PTPRD: variants seen among roughly 807,000 people sequenced by gnomAD.
PTPRD encodes the protein receptor-type tyrosine-protein phosphatase delta.
PTPRD carries 34 observed loss-of-function variants against 214.5 expected under a neutral mutation model. The observed-to-expected ratio is 0.16, with a 90% confidence interval of 0.12 to 0.21. PTPRD has a LOEUF of 0.21. Among genes scored for constraint, PTPRD ranks in the 10% least tolerant of loss-of-function variants. PTPRD has a pLI of 1.00. For missense variants in PTPRD, 2,545 were observed against 2,398.7 expected, an observed-to-expected ratio of 1.06 and a Z score of -1.27; for synonymous variants, 1,128 against 845.7, an observed-to-expected ratio of 1.33 and a Z score of -5.79.
intron 9 of PTPRD, among the ~76,000 whole-genome samples, chr9:9,238,203 T>G (rs1209624390): frequency 1.3e-5 from 2 of 152,152 alleles, no homozygotes; most frequent in East Asian, 3.9e-4. Context: ...CTGAGAGTCA[T>G]GAATAAGTTT....
At chr9:9,142,049 G>A (rs995756923) in intron 10 of PTPRD, among the ~76,000 whole-genome samples, 19 of 152,218 alleles carry the variant, frequency 1.2e-4, no homozygotes, top group African/African-American at 4.6e-4. Context: ...TTAAAACTGG[G>A]TGCTGATAAA....
chr9:8,465,521 T>C lies in PTPRD; in HGVS notation c.3659A>G (p.Gln1220Arg), dbSNP rs759239675. 1 of 1,612,676 alleles carries C rather than the reference T, an allele frequency of 6.2e-7. No homozygotes were observed. Residue 1220 changes from glutamine (Q) to arginine (R), a missense_variant, in exon 32 of 46, where the codon CAA becomes CGA. Gln to Arg is a conservative substitution (Grantham distance 43, BLOSUM62 1). Coordinates refer to ENST00000381196, the MANE Select transcript of PTPRD (RefSeq NM_002839.4). ...HYGGFTNKQL[Q>R]SGQEYVFFVL... ...AAAGAAGACATATTCTTGACCACTTTGGAGTTGCTTGTTTGTAAATCCACC... is the reference window on the plus strand; with the variant it reads ...AAAGAAGACATATTCTTGACCACTTCGGAGTTGCTTGTTTGTAAATCCACC...
intron 9 of PTPRD, among the ~76,000 whole-genome samples, chr9:9,358,435 T>A (rs1472114832): frequency 1.3e-5 from 2 of 151,306 alleles, no homozygotes; most frequent in Non-Finnish European, 1.5e-5. Context: ...AATACTTTAA[T>A]AAATATTCCT....
chr9:8,424,510 G>A (rs7869156), intron 35 of PTPRD, among the ~76,000 whole-genome samples: 66,947 of 151,862 alleles, frequency 0.44, 15,330 homozygotes, highest in East Asian at 0.62. Flanking sequence ...AAGAATGTCT[G>A]GCACATGGTA....
At chr9:8,534,384 G>A (rs1052061732) in intron 14 of PTPRD, among the ~76,000 whole-genome samples, 1 of 151,776 alleles carries the variant, frequency 6.6e-6, no homozygotes, top group African/African-American at 2.4e-5. Context: ...GCCCAGGAGT[G>A]AACCACTCAG....
chr9:8,595,940 C>A (rs948814267), intron 14 of PTPRD, among the ~76,000 whole-genome samples: 1 of 152,094 alleles, frequency 6.6e-6, no homozygotes, highest in East Asian at 1.9e-4. Context: ...CTATGTTGTG[C>A]CTATGCCATT....
At chr9:8,531,678 C>G (rs1417730171) in intron 14 of PTPRD, among the ~76,000 whole-genome samples, 1 of 152,028 alleles carries the variant, frequency 6.6e-6, no homozygotes, top group South Asian at 2.1e-4. Flanking sequence ...TGTTTAAGTA[C>G]TAGTTACATT....
rs2134801699 is a variant in PTPRD at position 8,375,961 on chromosome 9, C to G, written c.4636G>C (p.Ala1546Pro). ...RRVKTCNPPDAGPMVVHCSAG... is the reference protein window; with the variant it reads ...RRVKTCNPPDPGPMVVHCSAG... ...CTGCAGTGCACAACCATCGGACCAG[C>G]ATCGGGAGGGTTACAGGTTTTGACT... Residue 1546 changes from alanine to proline, a missense_variant, in exon 39 of 46, where the codon GCT becomes CCT. Physicochemically the swap from Ala to Pro is conservative, Grantham distance 27 (BLOSUM62 -1). Coordinates refer to ENST00000381196, the MANE Select transcript of PTPRD (RefSeq NM_002839.4). 3.7e-6 allele frequency: 6 copies of G among 1,612,640 alleles called. No individual in the cohort carries two copies. Among genetic ancestry groups the G allele is most frequent in the Non-Finnish European group, 5.1e-6 (6 of 1,179,098 alleles).
At chr9:10,305,383 CAAAA>C (rs532681794) in intron 3 of PTPRD, among the ~76,000 whole-genome samples, 22 of 75,872 alleles carry the variant, frequency 2.9e-4, no homozygotes, top group African/African-American at 7.0e-4. Flanking sequence ...AAAGCAATGG[CAAAA>C]AAAAAAAAAA....
intron 7 of PTPRD, among the ~76,000 whole-genome samples, chr9:9,727,360 G>C (rs540078850): frequency 6.6e-6 from 1 of 152,080 alleles, no homozygotes; most frequent in Non-Finnish European, 1.5e-5. Context: ...TGAGGCAGGA[G>C]GATCACCTGA....
intron 3 of PTPRD, among the ~76,000 whole-genome samples, chr9:10,290,564 T>A (rs1258387048): frequency 6.6e-6 from 1 of 152,172 alleles, no homozygotes; most frequent in African/African-American, 2.4e-5. Flanking sequence ...TACATTATAA[T>A]ATATGCATAG....
At chr9:8,422,422 AT>A (rs1046181940) in intron 35 of PTPRD, among the ~76,000 whole-genome samples, 2 of 152,104 alleles carry the variant, frequency 1.3e-5, no homozygotes, top group African/African-American at 4.8e-5. Context: ...TTCAGAAAAC[AT>A]TTTTATGTGT....
At chr9:9,509,857 C>T (rs2096658774) in intron 8 of PTPRD, among the ~76,000 whole-genome samples, 1 of 151,514 alleles carries the variant, frequency 6.6e-6, no homozygotes, top group Non-Finnish European at 1.5e-5. Flanking sequence ...CTTTCCAGAT[C>T]ATTTGCCTAT....
chr9:9,371,171 T>G (rs1022806939), intron 9 of PTPRD, among the ~76,000 whole-genome samples: 2 of 152,174 alleles, frequency 1.3e-5, no homozygotes, highest in Admixed American at 6.6e-5. Context: ...TTAATTGTAA[T>G]AGTTTCAGAA....
At chr9:10,207,052 T>G (rs294804) in intron 3 of PTPRD, among the ~76,000 whole-genome samples, 1 of 152,018 alleles carries the variant, frequency 6.6e-6, no homozygotes, top group South Asian at 2.1e-4. Context: ...ATGAGTTTTA[T>G]TGTATTCATC....
chr9:10,049,381 G>C (rs1225226146), intron 3 of PTPRD, among the ~76,000 whole-genome samples: 1 of 119,384 alleles, frequency 8.4e-6, no homozygotes, highest in African/African-American at 3.2e-5. Context: ...ATTAAAAGGA[G>C]AAGCAGCTTC....
intron 12 of PTPRD, among the ~76,000 whole-genome samples, chr9:8,641,874 T>C (rs137982410): frequency 6.6e-6 from 1 of 152,340 alleles, no homozygotes; most frequent in Non-Finnish European, 1.5e-5. Flanking sequence ...TGTTTCAAGT[T>C]GCTAGGCACT....
intron 3 of PTPRD, among the ~76,000 whole-genome samples, chr9:10,206,275 G>A (rs2099477676): frequency 6.6e-6 from 1 of 152,146 alleles, no homozygotes; most frequent in Admixed American, 6.5e-5. Context: ...AAAGGGTGCT[G>A]TGGATGTATG....
chr9:9,247,290 C>G (rs2099973489), intron 9 of PTPRD, among the ~76,000 whole-genome samples: 2 of 152,144 alleles, frequency 1.3e-5, no homozygotes, highest in African/African-American at 4.8e-5. Flanking sequence ...CCAACTCAGT[C>G]TATTACTATT....
Sources: allele counts gnomAD v4.1 joint callset (sites outside exome capture counted in the v4.1 genomes callset), GRCh38; gene constraint gnomAD v4.1.1; transcripts MANE v1.5; gene names NCBI Gene and HGNC (gene_info 2026-07-23, HGNC 2026-07-21).